CCDC7: variants seen among roughly 807,000 people sequenced by gnomAD.
CCDC7 encodes the protein coiled-coil domain containing 7.
Under a neutral mutation model 196.9 loss-of-function variants are expected in CCDC7, and 183 were observed. The ratio of observed to expected loss-of-function variants is 0.93; its 90% CI spans 0.82 to 1.05. The LOEUF (loss-of-function observed/expected upper bound fraction) is 1.05. CCDC7 is among the 50% of genes least tolerant of loss of function. The pLI is 0.00. For synonymous variants in CCDC7, 525 were observed against 484.6 expected (o/e 1.08, Z -1.10); for missense variants, 1,540 against 1,482.2 (o/e 1.04, Z -0.64).
chr10:32,861,100 C>A (rs1385738699), intron 41 of CCDC7, among the ~76,000 whole-genome samples: 2 of 81,044 alleles, frequency 2.5e-5, no homozygotes, highest in Admixed American at 1.6e-4. Context: ...CCTGCATAGC[C>A]AAGACAATCA....
At chr10:32,620,184 A>G (rs536279952) in intron 18 of CCDC7, among the ~76,000 whole-genome samples, 4 of 152,064 alleles carry the variant, frequency 2.6e-5, no homozygotes, top group Admixed American at 2.0e-4. Context: ...TGACCTCCCA[A>G]CATGCTGGGA....
intron 29 of CCDC7, among the ~76,000 whole-genome samples, chr10:32,792,199 G>A (rs1249152438): frequency 6.6e-6 from 1 of 152,050 alleles, no homozygotes; most frequent in Non-Finnish European, 1.5e-5. Flanking sequence ...AATGCTCAAG[G>A]GATTTCTTCA....
upstream of CCDC7, among the ~76,000 whole-genome samples, chr10:32,445,222 G>T (rs1564587277): frequency 1.3e-5 from 2 of 152,208 alleles, no homozygotes; most frequent in African/African-American, 4.8e-5. Flanking sequence ...ACCAGAAGAT[G>T]TGTTGTTTTC....
intron 11 of CCDC7, among the ~76,000 whole-genome samples, chr10:32,536,147 CT>C (rs143233431): frequency 0.088 from 13,424 of 152,158 alleles, 855 homozygotes; most frequent in East Asian, 0.33. Context: ...ATGTATCTAA[CT>C]ACCCGTTTGC....
At chr10:32,496,865 G>A (rs762723688) in intron 9 of CCDC7, among the ~76,000 whole-genome samples, 7 of 152,042 alleles carry the variant, frequency 4.6e-5, no homozygotes, top group Admixed American at 1.3e-4. Flanking sequence ...TTTTTGTTGT[G>A]TCTCTGCCAG....
intron 24 of CCDC7, among the ~76,000 whole-genome samples, chr10:32,708,068 A>T (rs145673308): frequency 0.05 from 7,593 of 152,216 alleles, 619 homozygotes; most frequent in African/African-American, 0.17. Context: ...CTGACTTCAA[A>T]CTATACTACA....
rs1349547105 is a variant in CCDC7, at chr10:32,689,426, A to G, written c.2344+263A>G. 2.0e-5 allele frequency among the ~76,000 whole-genome samples: 3 copies of G among 152,142 alleles called. No individual in the cohort carries two copies. The East Asian group carries it at 5.8e-4, about 29-fold the overall frequency. ...GTCTTTCCAAAGTAGTGTGCCTTTC[A>G]GCCAACTGAAAGTAATTATGGGCCC... On this transcript the variant is annotated intron_variant, in intron 23 of 41. Transcript: ENST00000639629.
rs185966246 is a variant in CCDC7, at chr10:32,697,479, C to T, written c.2458+2487C>T. On this transcript the variant is annotated intron_variant, in intron 24 of 41. Transcript: ENST00000639629. ...TCAGGACACTCCCGCCTTAATACAG[C>T]GCTTTTCCAATGGTCTTAGCAAAAG... Among the ~76,000 whole-genome samples, 98 of 152,310 alleles carry T rather than the reference C, an allele frequency of 6.4e-4. 1 individual carries two copies. Among genetic ancestry groups the T allele is most frequent in the African/African-American group, 2.2e-4 (9 of 41,574 alleles).
At chr10:32,520,870 CT>C (rs1463290062) in intron 11 of CCDC7, among the ~76,000 whole-genome samples, 1 of 152,086 alleles carries the variant, frequency 6.6e-6, no homozygotes, top group Non-Finnish European at 1.5e-5. Context: ...AGATTTAAGT[CT>C]TTAATCCATT....
intron 13 of CCDC7, among the ~76,000 whole-genome samples, chr10:32,556,999 G>A (rs1345289513): frequency 6.6e-6 from 1 of 152,154 alleles, no homozygotes. Context: ...GAAATCGCTT[G>A]TGCAGTTGTT....
At chr10:32,723,117 A>C (rs546546551) in intron 25 of CCDC7, among the ~76,000 whole-genome samples, 1 of 152,086 alleles carries the variant, frequency 6.6e-6, no homozygotes, top group Non-Finnish European at 1.5e-5. Context: ...ATGGCTCACT[A>C]CCTTGCCATG....
At chr10:32,508,166 T>C (rs1442507124) in intron 9 of CCDC7, among the ~76,000 whole-genome samples, 1 of 152,152 alleles carries the variant, frequency 6.6e-6, no homozygotes, top group East Asian at 1.9e-4. Context: ...TATAGAATGG[T>C]GCCACTCCCA....
chr10:32,570,611 T>C (rs749555713), intron 15 of CCDC7, among the ~76,000 whole-genome samples: 7 of 152,346 alleles, frequency 4.6e-5, no homozygotes, highest in Non-Finnish European at 7.3e-5. Flanking sequence ...TGCCATCTTA[T>C]GTGTGGCTTC....
chr10:32,802,509 A>G (rs749364440), intron 29 of CCDC7, among the ~76,000 whole-genome samples: 4 of 152,222 alleles, frequency 2.6e-5, no homozygotes, highest in Non-Finnish European at 5.9e-5. Context: ...CTGTTCCTCT[A>G]GAACCACTCC....
chr10:32,637,557 T>C (rs1021943122), intron 20 of CCDC7, among the ~76,000 whole-genome samples: 1 of 152,208 alleles, frequency 6.6e-6, no homozygotes, highest in Admixed American at 6.5e-5. Flanking sequence ...CGGCATTATT[T>C]CTGAGGACTC....
chr10:32,651,458 A>G (rs1229029018), intron 20 of CCDC7, among the ~76,000 whole-genome samples: 3 of 152,206 alleles, frequency 2.0e-5, no homozygotes, highest in Non-Finnish European at 4.4e-5. Context: ...GGTTGCGTCT[A>G]GTCAGTTGTC....
At chr10:32,835,468 T>C (rs1008257054) in intron 33 of CCDC7, among the ~76,000 whole-genome samples, 7 of 152,046 alleles carry the variant, frequency 4.6e-5, no homozygotes, top group Non-Finnish European at 8.8e-5. Context: ...TAAAGAAAAG[T>C]TGGTACATAT....
chr10:32,615,466 C>T (rs1274318742), intron 18 of CCDC7, among the ~76,000 whole-genome samples: 2 of 152,068 alleles, frequency 1.3e-5, no homozygotes, highest in Non-Finnish European at 2.9e-5. Flanking sequence ...TTGGCTGCTT[C>T]TGTGTCTTCT....
intron 41 of CCDC7, among the ~76,000 whole-genome samples, chr10:32,868,340 T>C (rs948934819): frequency 6.6e-6 from 1 of 151,988 alleles, no homozygotes; most frequent in African/African-American, 2.4e-5. Flanking sequence ...ACCATACTGT[T>C]TACCACAGAG....
Sources: gnomAD v4.1 joint callset for allele counts (sites outside exome capture counted in the v4.1 genomes callset) on GRCh38, gnomAD v4.1.1 for gene constraint, MANE v1.5 for transcripts, NCBI Gene and HGNC (gene_info 2026-07-23, HGNC 2026-07-21) for gene names.